FRMD4B: variants seen among roughly 807,000 people sequenced by gnomAD.
FRMD4B encodes the protein FERM domain containing 4B, also known as FERM domain-containing protein 4B.
FRMD4B carries 74 observed loss-of-function variants against 141.5 expected under a neutral mutation model. That is an observed-to-expected ratio of 0.52 (90% confidence interval 0.43 to 0.63). FRMD4B has a LOEUF of 0.63. Ranked by LOEUF, FRMD4B falls within the 30% of genes least tolerant of loss-of-function variation. FRMD4B has a pLI of 0.00. For synonymous variants in FRMD4B, 506 were observed against 467.9 expected, an observed-to-expected ratio of 1.08 and a Z score of -1.05; for missense variants, 1,366 against 1,253.4, an observed-to-expected ratio of 1.09 and a Z score of -1.36.
At chr3:69,285,440 T>C (rs1465611475) in intron 5 of FRMD4B, among the ~76,000 whole-genome samples, 1 of 147,908 alleles carries the variant, frequency 6.8e-6, no homozygotes, top group African/African-American at 2.5e-5. Context: ...GGCTAAAATG[T>C]TTCCGAATTT....
intron 7 of FRMD4B, among the ~76,000 whole-genome samples, chr3:69,232,550 C>A (rs2093315600): frequency 6.6e-6 from 1 of 152,062 alleles, no homozygotes; most frequent in Non-Finnish European, 1.5e-5. Context: ...CTTTACTGAC[C>A]CCAAGTACCC....
chr3:69,392,893 C>T (rs538125290), intron 2 of FRMD4B, among the ~76,000 whole-genome samples: 1 of 152,154 alleles, frequency 6.6e-6, no homozygotes, highest in East Asian at 1.9e-4. Flanking sequence ...TGACTGGTCT[C>T]CTGCTTTCTT....
chr3:69,476,241 C>A, intron 1 of FRMD4B, among the ~76,000 whole-genome samples: 1 of 151,932 alleles, frequency 6.6e-6, no homozygotes, highest in Non-Finnish European at 1.5e-5. Flanking sequence ...GCTTTTGTTG[C>A]CATTGCCTTT....
At chr3:69,309,829 T>G (rs1184757916) in intron 3 of FRMD4B, among the ~76,000 whole-genome samples, 2 of 151,978 alleles carry the variant, frequency 1.3e-5, no homozygotes, top group African/African-American at 4.8e-5. Context: ...ATTATAGTGC[T>G]TATAGCAGTT....
intron 2 of FRMD4B, among the ~76,000 whole-genome samples, chr3:69,403,781 A>G (rs1704606476): frequency 6.6e-6 from 1 of 152,156 alleles, no homozygotes; most frequent in African/African-American, 2.4e-5. Context: ...CTCTATTCCA[A>G]AAGTGTGCAT....
At chr3:69,173,671 A>G (rs1020996620) in intron 22 of FRMD4B, among the ~76,000 whole-genome samples, 1 of 152,216 alleles carries the variant, frequency 6.6e-6, no homozygotes, top group South Asian at 2.1e-4. Context: ...AAATGGATGG[A>G]AATAAGTACT....
intron 7 of FRMD4B, among the ~76,000 whole-genome samples, chr3:69,244,723 G>C (rs904871151): frequency 6.6e-6 from 1 of 151,922 alleles, no homozygotes; most frequent in African/African-American, 2.4e-5. Flanking sequence ...GTGAAAACTT[G>C]TCTCTACTAA....
chr3:69,529,866 T>C (rs1416494571), intron 1 of FRMD4B, among the ~76,000 whole-genome samples: 1 of 152,198 alleles, frequency 6.6e-6, no homozygotes, highest in African/African-American at 2.4e-5. Context: ...TGAGTTGAAG[T>C]AGTAGTGGAA....
At chr3:69,499,114 CA>C (rs993480935) in intron 1 of FRMD4B, among the ~76,000 whole-genome samples, 1 of 152,100 alleles carries the variant, frequency 6.6e-6, no homozygotes, top group Non-Finnish European at 1.5e-5. Flanking sequence ...ACGGTGAGTG[CA>C]AAGGTCCTGA....
chr3:69,200,275 A>C, intron 11 of FRMD4B: 1 of 306,948 alleles, frequency 3.3e-6, no homozygotes, highest in Non-Finnish European at 4.8e-6. Flanking sequence ...CACACCCTAA[A>C]AACACAGCCC....
chr3:69,540,775 G>A (rs993755588), intron 1 of FRMD4B, among the ~76,000 whole-genome samples: 10 of 150,426 alleles, frequency 6.6e-5, no homozygotes, highest in African/African-American at 2.5e-4. Flanking sequence ...GCACTGTCTT[G>A]TTAAGAGCCT....
chr3:69,538,514 A>G (rs1196857836), intron 1 of FRMD4B, among the ~76,000 whole-genome samples: 1 of 152,196 alleles, frequency 6.6e-6, no homozygotes, highest in Non-Finnish European at 1.5e-5. Context: ...CAGAACTCTT[A>G]TAACATATGA....
chr3:69,285,652 T>C (rs546731937), intron 5 of FRMD4B, among the ~76,000 whole-genome samples: 1 of 152,216 alleles, frequency 6.6e-6, no homozygotes, highest in East Asian at 1.9e-4. Flanking sequence ...GAGACCAGCC[T>C]GGCCAATATG....
intron 5 of FRMD4B, among the ~76,000 whole-genome samples, chr3:69,255,929 A>G (rs1024682734): frequency 1.3e-5 from 2 of 152,072 alleles, no homozygotes; most frequent in Admixed American, 6.6e-5. Flanking sequence ...ACAGTTCAAA[A>G]ATTGACAAGA....
At chr3:69,495,763 T>G (rs1030515999) in intron 1 of FRMD4B, among the ~76,000 whole-genome samples, 3 of 152,190 alleles carry the variant, frequency 2.0e-5, no homozygotes, top group African/African-American at 7.2e-5. Flanking sequence ...AAGAAAGAGA[T>G]GCTAAAGGGA....
intron 1 of FRMD4B, among the ~76,000 whole-genome samples, chr3:69,537,289 T>C (rs1297253850): frequency 2.6e-5 from 4 of 152,144 alleles, no homozygotes; most frequent in African/African-American, 9.7e-5. Context: ...TGGAAAACTG[T>C]ACGTAAAGTG....
intron 1 of FRMD4B, among the ~76,000 whole-genome samples, chr3:69,511,315 T>A (rs1197999125): frequency 6.6e-6 from 1 of 152,190 alleles, no homozygotes; most frequent in Non-Finnish European, 1.5e-5. Flanking sequence ...AATTTATAAT[T>A]TTTTTAATGT....
At chr3:69,434,273 C>T (rs1185190825) in intron 1 of FRMD4B, among the ~76,000 whole-genome samples, 1 of 152,212 alleles carries the variant, frequency 6.6e-6, no homozygotes, top group Non-Finnish European at 1.5e-5. Context: ...TCAATAGCTA[C>T]TATTTGTTAA....
chr3:69,529,438 C>A (rs765892494), intron 1 of FRMD4B, among the ~76,000 whole-genome samples: 1 of 152,116 alleles, frequency 6.6e-6, no homozygotes, highest in Non-Finnish European at 1.5e-5. Flanking sequence ...TAGAGGACAG[C>A]GACTTGACTC....
Sources: gnomAD v4.1 joint callset for allele counts (sites outside exome capture counted in the v4.1 genomes callset) on GRCh38, gnomAD v4.1.1 for gene constraint, MANE v1.5 for transcripts, NCBI Gene and HGNC (gene_info 2026-07-23, HGNC 2026-07-21) for gene names.